Variants in PCDH11Y observed in about 807,000 individuals in gnomAD.
PCDH11Y encodes protocadherin-11 Y-linked.
For synonymous variants in PCDH11Y, 9 were observed against 83.6 expected, an observed-to-expected ratio of 0.11 and a Z score of 4.87; for missense variants, 12 against 224.8, an observed-to-expected ratio of 0.05 and a Z score of 6.05.
chrY:5,367,148 T>C, intron 2 of PCDH11Y, among the ~76,000 whole-genome samples: 1 of 32,754 alleles, frequency 3.1e-5, no homozygotes. Flanking sequence ...AAAGTACAAA[T>C]TGGTAAGCTA....
chrY:5,357,885 C>T, intron 2 of PCDH11Y, among the ~76,000 whole-genome samples: 1 of 33,782 alleles, frequency 3.0e-5, no homozygotes, highest in Non-Finnish European at 7.3e-5. Context: ...TATTTTGAAA[C>T]TTTTCACAGA....
At chrY:5,228,110 C>T in intron 2 of PCDH11Y, among the ~76,000 whole-genome samples, 4 of 23,251 alleles carry the variant, frequency 1.7e-4, no homozygotes. Flanking sequence ...AATCTCATTA[C>T]TTGCTATTGA....
At chrY:5,125,227 T>C in intron 2 of PCDH11Y, among the ~76,000 whole-genome samples, 1 of 32,877 alleles carries the variant, frequency 3.0e-5, no homozygotes, top group Non-Finnish European at 7.5e-5. Flanking sequence ...CCAAATTCTG[T>C]ATTCTTAAAC....
chrY:5,028,943 G>A, intron 1 of PCDH11Y, among the ~76,000 whole-genome samples: 1 of 32,570 alleles, frequency 3.1e-5, no homozygotes, highest in South Asian at 7.0e-4. Context: ...TGGTGAAGTA[G>A]TATTTTAATT....
intron 1 of PCDH11Y, among the ~76,000 whole-genome samples, chrY:5,059,305 C>T: frequency 6.1e-5 from 2 of 32,827 alleles, no homozygotes; most frequent in Non-Finnish European, 1.5e-4. Flanking sequence ...GAACTAAATT[C>T]TTAATTAATT....
chrY:5,012,931 G>A (rs2052554686), intron 1 of PCDH11Y, among the ~76,000 whole-genome samples: 2 of 26,579 alleles, frequency 7.5e-5, no homozygotes, highest in Non-Finnish European at 1.8e-4. Flanking sequence ...CTCACTGCAA[G>A]CTCCGCCTCC....
chrY:5,092,350 C>T (rs2052742984), intron 1 of PCDH11Y, among the ~76,000 whole-genome samples: 1 of 33,227 alleles, frequency 3.0e-5, no homozygotes, highest in Non-Finnish European at 7.5e-5. Context: ...TTAGGGTTAT[C>T]GGCAGATATG....
At chrY:5,643,155 A>AT (rs1279851441) in intron 4 of PCDH11Y, among the ~76,000 whole-genome samples, 7 of 31,785 alleles carry the variant, frequency 2.2e-4, no homozygotes, top group Non-Finnish European at 4.6e-4. Flanking sequence ...TTATGAATCA[A>AT]TTTTTCAATT....
chrY:5,298,867 C>T, intron 2 of PCDH11Y, among the ~76,000 whole-genome samples: 1 of 32,735 alleles, frequency 3.1e-5, no homozygotes, highest in Non-Finnish European at 7.5e-5. Flanking sequence ...AGTACAAAAA[C>T]GATGGCAGTT....
At chrY:5,446,882 A>ACAGCAGCAGCAGCAG (rs770563259) in intron 2 of PCDH11Y, among the ~76,000 whole-genome samples, 2 of 33,010 alleles carry the variant, frequency 6.1e-5, no homozygotes, top group East Asian at 8.0e-4. Flanking sequence ...AGCAGCAGCA[A>ACAGCAGCAGCAGCAG]CAGCAGCAGC....
At chrY:5,043,214 T>A in intron 3 of PCDH11Y, among the ~76,000 whole-genome samples, 1 of 33,166 alleles carries the variant, frequency 3.0e-5, no homozygotes, top group Non-Finnish European at 7.4e-5. Flanking sequence ...TGCTTCCAGT[T>A]TTTGCCCATT....
chrY:5,367,576 C>T (rs1227988308), intron 2 of PCDH11Y, among the ~76,000 whole-genome samples: 11 of 26,085 alleles, frequency 4.2e-4, no homozygotes, highest in Non-Finnish European at 8.9e-4. Flanking sequence ...TTAGTAGAGA[C>T]GGGGTTTCAC....
intron 2 of PCDH11Y, among the ~76,000 whole-genome samples, chrY:5,115,119 G>C: frequency 3.4e-5 from 1 of 29,165 alleles, no homozygotes; most frequent in Non-Finnish European, 8.1e-5. Flanking sequence ...TATACAAAGG[G>C]GTGAGAGAAC....
At chrY:5,384,545 C>G (rs1602916185) in intron 2 of PCDH11Y, among the ~76,000 whole-genome samples, 3 of 29,950 alleles carry the variant, frequency 1.0e-4, no homozygotes, top group East Asian at 8.6e-4. Flanking sequence ...GGGAAATTTT[C>G]TAGAACAAAT....
At chrY:5,406,927 C>G (rs1602920671) in intron 2 of PCDH11Y, among the ~76,000 whole-genome samples, 5,085 of 32,416 alleles carry the variant, frequency 0.16, no homozygotes, top group African/African-American at 0.6. Flanking sequence ...GTCTTTCTAC[C>G]TTTTGCTATG....
At chrY:5,498,787 A>G in intron 2 of PCDH11Y, among the ~76,000 whole-genome samples, 5 of 34,071 alleles carry the variant, frequency 1.5e-4, no homozygotes, top group African/African-American at 5.7e-4. Context: ...TAGAAAATAC[A>G]GTGTGGTTTA....
At chrY:5,108,535 C>T (rs2052797779), downstream of PCDH11Y, among the ~76,000 whole-genome samples, 1 of 31,223 alleles carries the variant, frequency 3.2e-5, no homozygotes, top group Non-Finnish European at 7.7e-5. Context: ...ATCACGAGGT[C>T]AGGAGATCGA....
chrY:5,440,218 G>T, intron 2 of PCDH11Y, among the ~76,000 whole-genome samples: 1 of 33,201 alleles, frequency 3.0e-5, no homozygotes, highest in African/African-American at 1.2e-4. Context: ...GTATCTGTGG[G>T]TCAAGAATTC....
intron 1 of PCDH11Y, among the ~76,000 whole-genome samples, chrY:5,062,764 G>A (rs2052678175): frequency 3.0e-5 from 1 of 33,075 alleles, no homozygotes; most frequent in Non-Finnish European, 7.5e-5. Flanking sequence ...GTTGGACATC[G>A]TAAATAGTTC....
Sources: gnomAD v4.1 joint callset for allele counts (sites outside exome capture counted in the v4.1 genomes callset) on GRCh38, gnomAD v4.1.1 for gene constraint, MANE v1.5 for transcripts, NCBI Gene and HGNC (gene_info 2026-07-23, HGNC 2026-07-21) for gene names.